The following COL5A2 variants were observed in gnomAD, a reference collection of about 807,000 sequenced individuals.
The protein encoded by COL5A2 is collagen alpha-2(V) chain.
A neutral mutation model predicts 208.2 loss-of-function variants in COL5A2; 23 were observed. The observed-to-expected ratio is 0.11, with a 90% CI of 0.08 to 0.16. COL5A2 has a LOEUF of 0.16. Among genes scored for constraint, COL5A2 ranks in the 10% least tolerant of loss-of-function variants. The probability of loss-of-function intolerance (pLI) is 1.00; values close to 1 mark genes in which losing one functional copy is unlikely to be tolerated. For synonymous variants in COL5A2, 625 were observed against 628.5 expected (o/e 0.99, Z 0.08); for missense variants, 1,590 against 1,956.4 (o/e 0.81, Z 3.53).
At chr2:189,333,036 A>G in the COL5A2 span, among the ~76,000 whole-genome samples, 3 of 152,248 alleles carry the variant, frequency 2.0e-5, no homozygotes, top group East Asian at 5.8e-4. Context: ...AATACAACAC[A>G]TCAGTGTTTT....
the COL5A2 span, among the ~76,000 whole-genome samples, chr2:189,399,872 G>GT: frequency 6.6e-6 from 1 of 151,808 alleles, no homozygotes; most frequent in Non-Finnish European, 1.5e-5. Context: ...GCTAATTTTT[G>GT]TATTTTTTTG....
the COL5A2 span, among the ~76,000 whole-genome samples, chr2:189,279,539 A>T: frequency 6.6e-6 from 1 of 151,844 alleles, no homozygotes; most frequent in East Asian, 1.9e-4. Context: ...TAAAAAAAAA[A>T]AAAAAAATCA....
At chr2:189,198,509 A>G (rs1331801794) in intron 1 of COL5A2, among the ~76,000 whole-genome samples, 2 of 152,198 alleles carry the variant, frequency 1.3e-5, no homozygotes, top group East Asian at 3.9e-4. Flanking sequence ...AGTGGTGAAG[A>G]AAAGACAGGG....
intron 1 of COL5A2, among the ~76,000 whole-genome samples, chr2:189,134,767 C>A (rs987980355): frequency 6.6e-6 from 1 of 152,078 alleles, no homozygotes; most frequent in Non-Finnish European, 1.5e-5. Context: ...GTCATAAATG[C>A]CATTCAAAAG....
chr2:189,212,517 T>C (rs1005792145), intron 1 of COL5A2, among the ~76,000 whole-genome samples: 1 of 151,494 alleles, frequency 6.6e-6, no homozygotes, highest in African/African-American at 2.4e-5. Flanking sequence ...TGGGCGCCTG[T>C]AATCCCAGCT....
chr2:189,373,044 A>T, the COL5A2 span, among the ~76,000 whole-genome samples: 1 of 152,156 alleles, frequency 6.6e-6, no homozygotes, highest in South Asian at 2.1e-4. Context: ...ACATATTTTT[A>T]AAAACTTTTT....
chr2:189,119,517 CA>C (rs1687459618), intron 1 of COL5A2, among the ~76,000 whole-genome samples: 1 of 151,982 alleles, frequency 6.6e-6, no homozygotes, highest in Non-Finnish European at 1.5e-5. Flanking sequence ...ATTAGAATTT[CA>C]AAAGTTTTAG....
chr2:189,397,085 G>A, the COL5A2 span, among the ~76,000 whole-genome samples: 3 of 151,852 alleles, frequency 2.0e-5, no homozygotes, highest in Non-Finnish European at 2.9e-5. Context: ...TTCATAGGTT[G>A]AAAACCCTAA....
At chr2:189,070,800 G>A (rs1294507652) in intron 18 of COL5A2, among the ~76,000 whole-genome samples, 1 of 152,076 alleles carries the variant, frequency 6.6e-6, no homozygotes, top group Non-Finnish European at 1.5e-5. Context: ...CAGAGTCTGT[G>A]GTAGTGACAT....
intron 1 of COL5A2, among the ~76,000 whole-genome samples, chr2:189,198,494 A>C (rs904418812): frequency 4.6e-5 from 7 of 152,294 alleles, no homozygotes; most frequent in African/African-American, 1.7e-4. Flanking sequence ...TTTTTGAAGA[A>C]ATCCAGTGGT....
At chr2:189,228,242 A>G (rs1173281562), upstream of COL5A2, among the ~76,000 whole-genome samples, 11 of 151,920 alleles carry the variant, frequency 7.2e-5, no homozygotes, top group Non-Finnish European at 1.5e-4. Context: ...TCTATACCTT[A>G]GGAAGTAGAA....
In COL5A2 at chr2:189,051,484, A is replaced by C. The variant is rs1685787584; in HGVS notation, c.2770-3T>G. 1 of 1,597,938 alleles carries C rather than the reference A, an allele frequency of 6.3e-7. No individual in the cohort carries two copies. The highest frequency in any genetic ancestry group is 8.5e-7 in the Non-Finnish European group (1 of 1,174,338). ...GGTCCCGCAGGTCCTGGAGCTCCCT[A>C]GTATAACAAAGAAAGAAACACCAAG... On this transcript the variant is annotated splice_polypyrimidine_tract_variant and splice_region_variant and intron_variant, in intron 41 of 53. Transcript: ENST00000374866.
rs4128538 is a variant in COL5A2 at position 189,110,068 on chromosome 2, G to A, written c.322+157C>T. 0.86 allele frequency among the ~76,000 whole-genome samples: 130,810 copies of A among 152,202 alleles called. 57,230 individuals carry two copies. The highest frequency in any genetic ancestry group is 0.95 in the Non-Finnish European group (64,884 of 68,026). The stretch of plus-strand genomic sequence containing the variant: ...TGTCTGCTTCTATCTAACTTTAGAT[G>A]AAGTGAGTGAGCAAAATCATTAATC... On this transcript the variant is annotated intron_variant, in intron 2 of 53. Transcript: ENST00000374866.
At chr2:189,440,465 T>A in the COL5A2 span, among the ~76,000 whole-genome samples, 1 of 152,228 alleles carries the variant, frequency 6.6e-6, no homozygotes, top group Non-Finnish European at 1.5e-5. Context: ...AACAGAATAG[T>A]ATTTGTGTAT....
At chr2:189,197,170 C>A (rs1044012299) in intron 1 of COL5A2, among the ~76,000 whole-genome samples, 21 of 152,118 alleles carry the variant, frequency 1.4e-4, no homozygotes, top group Admixed American at 1.2e-3. Flanking sequence ...TTATCCTCAG[C>A]AAACTAACAT....
At chr2:189,186,018 T>A (rs1688847210) in intron 1 of COL5A2, among the ~76,000 whole-genome samples, 1 of 152,084 alleles carries the variant, frequency 6.6e-6, no homozygotes, top group Admixed American at 6.6e-5. Flanking sequence ...TAATTTTTTT[T>A]TTTTTCTTAA....
the COL5A2 span, among the ~76,000 whole-genome samples, chr2:189,416,580 A>C: frequency 6.6e-6 from 1 of 152,170 alleles, no homozygotes; most frequent in Non-Finnish European, 1.5e-5. Context: ...AGGAAGGGGG[A>C]GGGATAGCAT....
chr2:189,062,573 G>A (rs1368751676), intron 29 of COL5A2, among the ~76,000 whole-genome samples: 2 of 151,956 alleles, frequency 1.3e-5, no homozygotes, highest in Non-Finnish European at 2.9e-5. Flanking sequence ...TAAAATATTT[G>A]TTACACACTG....
chr2:189,041,497 T>C, intron 50 of COL5A2, 89 bp downstream of exon 50: 1 of 1,052,346 alleles, frequency 9.5e-7, no homozygotes, highest in Non-Finnish European at 1.5e-6. Flanking sequence ...TTAAGTCTCT[T>C]GTCAATCGGG....
Sources: gnomAD v4.1 joint callset for allele counts (sites outside exome capture counted in the v4.1 genomes callset) on GRCh38, gnomAD v4.1.1 for gene constraint, MANE v1.5 for transcripts, NCBI Gene and HGNC (gene_info 2026-07-23, HGNC 2026-07-21) for gene names.